The following SMIM8 variants were observed in gnomAD, a reference collection of about 807,000 sequenced individuals.
The protein encoded by SMIM8 is UPF0708 protein C6orf162.
Under a neutral mutation model 8.1 loss-of-function variants are expected in SMIM8, and 8 were observed. The ratio of observed to expected loss-of-function variants is 0.99; its 90% confidence interval spans 0.58 to 1.78. SMIM8 has a LOEUF of 1.78. SMIM8 is among the 40% of genes most tolerant of loss of function. The pLI, the probability that SMIM8 is intolerant of heterozygous loss-of-function variation, is 0.00. For synonymous variants in SMIM8, 45 were observed against 39.7 expected, an observed-to-expected ratio of 1.13 and a Z score of -0.50; for missense variants, 126 against 119.8, an observed-to-expected ratio of 1.05 and a Z score of -0.24.
chr6:87,328,612 C>G (rs1582089988), intron 1 of SMIM8, among the ~76,000 whole-genome samples: 1 of 152,190 alleles, frequency 6.6e-6, no homozygotes, highest in African/African-American at 2.4e-5. Context: ...TGCCTGTTCT[C>G]AGATCTCCAG....
intron 3 of SMIM8, among the ~76,000 whole-genome samples, chr6:87,337,920 G>A (rs1262299204): frequency 1.3e-5 from 2 of 152,054 alleles, no homozygotes; most frequent in Non-Finnish European, 2.9e-5. Context: ...GAGCCACCAC[G>A]CCTGGCTGAG....
chr6:87,340,346 A>G lies in SMIM8; in HGVS notation c.*72A>G. The G allele has an allele frequency of 2.9e-6, 4 of 1,376,834 alleles. No homozygotes were observed. Among genetic ancestry groups the G allele is most frequent in the Non-Finnish European group, 3.8e-6 (4 of 1,049,608 alleles). 85.3% of individuals were successfully genotyped at this position (1,376,834 alleles called of 1,614,324 possible). A position where few individuals can be genotyped will look rare whatever the true frequency, so the allele number is the denominator to read the frequency against. On this transcript the variant is annotated 3_prime_UTR_variant, in exon 4 of 4. Coordinates refer to ENST00000392863, the MANE Select transcript of SMIM8 (RefSeq NM_001042493.3). Reference sequence around the variant, plus strand: ...TTCAAATGAAAGACCTTGTGAGTGTACAGTATCATGTTTCTTGTTCTAGAA... The same window carrying G: ...TTCAAATGAAAGACCTTGTGAGTGTGCAGTATCATGTTTCTTGTTCTAGAA...
intron 1 of SMIM8, among the ~76,000 whole-genome samples, chr6:87,330,201 A>T (rs1776962342): frequency 6.6e-6 from 1 of 152,230 alleles, no homozygotes; most frequent in African/African-American, 2.4e-5. Context: ...GAAACTATAA[A>T]AAAGTGTATT....
chr6:87,323,920 G>T (rs34860988), intron 1 of SMIM8, among the ~76,000 whole-genome samples: 17,039 of 151,362 alleles, frequency 0.11, 990 homozygotes, highest in East Asian at 0.13. Context: ...TTTCTCCACA[G>T]CCTCTCCAGC....
Position 87,340,473 on chromosome 6 carries a change from G to A in SMIM8, c.*199G>A. ...TTATCTCATTCTTTTTCCACAGAGT[G>A]AGCGTCATAATATTTTTCTTTCCTT... is the stretch of plus-strand genomic sequence containing the variant. On this transcript the variant is annotated 3_prime_UTR_variant, in exon 4 of 4. Coordinates refer to ENST00000392863, the MANE Select transcript of SMIM8 (RefSeq NM_001042493.3). 1 of 383,196 alleles carries A rather than the reference G, an allele frequency of 2.6e-6. No homozygotes were observed. Among genetic ancestry groups the A allele is most frequent in the Middle Eastern group, 7.1e-4 (1 of 1,402 alleles). The allele number at this position is 383,196 out of a possible 1,614,324, so 23.7% of individuals were successfully genotyped here.
intron 1 of SMIM8, among the ~76,000 whole-genome samples, chr6:87,327,435 T>G (rs1236453803): frequency 6.6e-6 from 1 of 152,186 alleles, no homozygotes; most frequent in Non-Finnish European, 1.5e-5. Flanking sequence ...CAGGAGCTCT[T>G]TTAGGGCAGG....
rs897723764 is a variant in SMIM8 at position 87,322,624 on chromosome 6, C to G, written c.-53C>G. 1.3e-5 allele frequency: 2 copies of G among 152,326 alleles called. No homozygotes were observed. 9.4% of individuals were successfully genotyped at this position (152,326 alleles called of 1,614,324 possible). A position where few individuals can be genotyped will look rare whatever the true frequency, so the allele number is the denominator to read the frequency against. On this transcript the variant is annotated 5_prime_UTR_variant, in exon 1 of 4. Transcript: ENST00000392863. ...TCTCGGGCGAGGAGAGGAGGTGACCCCGCGAAAGGTAAGCGGCGGCTTCGG... is the reference window on the plus strand; with the variant it reads ...TCTCGGGCGAGGAGAGGAGGTGACCGCGCGAAAGGTAAGCGGCGGCTTCGG...
chr6:87,341,188 TATATGCC>T lies in SMIM8; in HGVS notation c.*916_*922del, dbSNP rs149185122. 0.03 allele frequency: 11,993 copies of T among 398,328 alleles called. 254 individuals are homozygous for T. Among genetic ancestry groups the T allele is most frequent in the Non-Finnish European group, 0.041 (9,193 of 225,874 alleles). The allele number at this position is 398,328 out of a possible 1,614,324, so 24.7% of individuals were successfully genotyped here. ...TGTACCTTTTTTTTCTTTTGAAGTTTATATGCCAGCAGGCCTTTTTGTTTTTTTCCTT... is the reference window on the plus strand; with the variant it reads ...TGTACCTTTTTTTTCTTTTGAAGTTTAGCAGGCCTTTTTGTTTTTTTCCTT... On this transcript the variant is annotated 3_prime_UTR_variant, in exon 4 of 4. Coordinates refer to ENST00000392863, the MANE Select transcript of SMIM8 (RefSeq NM_001042493.3).
Position 87,340,246 on chromosome 6 carries a change from T to G in SMIM8, c.266T>G (p.Met89Arg). 6.2e-7 allele frequency: 1 copy of G among 1,605,968 alleles called. No individual in the cohort carries two copies. The highest frequency in any genetic ancestry group is 2.2e-5 in the East Asian group (1 of 44,640). Residue 89 changes from methionine to arginine, a missense_variant, in exon 4 of 4, where the codon ATG becomes AGG. Transcript: ENST00000392863. Reference sequence around the variant, plus strand: ...ATTGATAGTGAGGGGCACAGTTATATGAGGCGGAAAACATCCAAATGGGAT... The same window carrying G: ...ATTGATAGTGAGGGGCACAGTTATAGGAGGCGGAAAACATCCAAATGGGAT... ...EAIDSEGHSY[M>R]RRKTSKWD is the part of the protein sequence containing the mutation.
At chr6:87,335,402 T>C (rs1414797104) in intron 2 of SMIM8, among the ~76,000 whole-genome samples, 1 of 152,172 alleles carries the variant, frequency 6.6e-6, no homozygotes, top group Non-Finnish European at 1.5e-5. Flanking sequence ...AAAGCCGTGG[T>C]GATAGCGATG....
chr6:87,335,712 G>T (rs1047455048), intron 2 of SMIM8, among the ~76,000 whole-genome samples: 2 of 151,892 alleles, frequency 1.3e-5, no homozygotes, highest in Admixed American at 1.3e-4. Flanking sequence ...ACTTATACTG[G>T]CCAGGTGTGG....
intron 1 of SMIM8, among the ~76,000 whole-genome samples, chr6:87,324,861 A>G (rs1222588413): frequency 6.6e-6 from 1 of 152,224 alleles, no homozygotes; most frequent in Non-Finnish European, 1.5e-5. Flanking sequence ...TACCTTGGGC[A>G]GTATGGCCAT....
At chr6:87,333,827 C>A (rs1452551328) in intron 2 of SMIM8, among the ~76,000 whole-genome samples, 1 of 152,136 alleles carries the variant, frequency 6.6e-6, no homozygotes, top group Non-Finnish European at 1.5e-5. Context: ...GGATTTTTGC[C>A]AACCTTAGGA....
chr6:87,339,748 G>T (rs1377319610), intron 3 of SMIM8, among the ~76,000 whole-genome samples: 2 of 152,072 alleles, frequency 1.3e-5, no homozygotes, highest in Non-Finnish European at 2.9e-5. Flanking sequence ...TTGGGCCCAG[G>T]ACCCAGGAAG....
chr6:87,331,038 A>G (rs951888309), intron 2 of SMIM8: 2 of 152,194 alleles, frequency 1.3e-5, no homozygotes, highest in East Asian at 1.9e-4. Context: ...ATCTATGTGT[A>G]TGTATGTTTT....
In SMIM8 at chr6:87,341,028, GTTAA is replaced by G. The variant is rs1394329551; in HGVS notation, c.*761_*764del. On this transcript the variant is annotated 3_prime_UTR_variant, in exon 4 of 4. Transcript: ENST00000392863. ...TATTTTAGTGTTTATGTTAATTAATGTTAATTAATTTTGTTTATGTTAATTTGTG... is the reference window on the plus strand; with the variant it reads ...TATTTTAGTGTTTATGTTAATTAATGTTAATTTTGTTTATGTTAATTTGTG... The G allele has an allele frequency of 1.5e-5, 5 of 336,888 alleles. No homozygotes were observed. The highest frequency in any genetic ancestry group is 1.6e-4 in the South Asian group (1 of 6,400). 20.9% of individuals were successfully genotyped at this position (336,888 alleles called of 1,614,324 possible).
intron 2 of SMIM8, among the ~76,000 whole-genome samples, chr6:87,332,343 A>ATATATATATATATATATATATAT (rs1491301788): frequency 6.9e-6 from 1 of 145,762 alleles, no homozygotes; most frequent in African/African-American, 2.5e-5. Context: ...ATATATATAT[A>ATATATATATATATATATATATAT]AATGACAGCA....
At chr6:87,324,934 C>T (rs541750237) in intron 1 of SMIM8, among the ~76,000 whole-genome samples, 7 of 152,252 alleles carry the variant, frequency 4.6e-5, no homozygotes, top group African/African-American at 1.7e-4. Flanking sequence ...TTTGTATCCT[C>T]TTTTATTTCC....
chr6:87,327,466 T>C (rs1247699598), intron 1 of SMIM8, among the ~76,000 whole-genome samples: 3 of 152,076 alleles, frequency 2.0e-5, no homozygotes, highest in African/African-American at 7.2e-5. Context: ...ACAAAATCTC[T>C]CAGCATTTGC....
Sources: allele counts gnomAD v4.1 joint callset (sites outside exome capture counted in the v4.1 genomes callset), GRCh38; gene constraint gnomAD v4.1.1; transcripts MANE v1.5; gene names NCBI Gene and HGNC (gene_info 2026-07-23, HGNC 2026-07-21).